UBXN2A: variants seen among roughly 807,000 people sequenced by gnomAD.
UBXN2A encodes the protein UBX domain-containing protein 2A.
UBXN2A carries 28 observed loss-of-function variants against 28.4 expected under a neutral mutation model. The ratio of observed to expected loss-of-function variants is 0.99; its 90% CI spans 0.73 to 1.35. The LOEUF is 1.35. UBXN2A is among the 40% of genes most tolerant of loss of function. The pLI, the probability that UBXN2A is intolerant of heterozygous loss-of-function variation, is 0.00. For missense variants in UBXN2A, 253 were observed against 297.9 expected (o/e 0.85, Z 1.11); for synonymous variants, 97 against 103.6 (o/e 0.94, Z 0.39).
At chr2:23,990,919 T>C (rs1228504436) in intron 6 of UBXN2A, among the ~76,000 whole-genome samples, 3 of 152,124 alleles carry the variant, frequency 2.0e-5, no homozygotes, top group Admixed American at 6.6e-5. Context: ...CCTTAAAAGC[T>C]ACTAAGCCAT....
At chr2:23,975,789 G>A (rs935547749) in intron 3 of UBXN2A, among the ~76,000 whole-genome samples, 1 of 152,072 alleles carries the variant, frequency 6.6e-6, no homozygotes, top group African/African-American at 2.4e-5. Context: ...CACCATGCCT[G>A]GCTAATTTGT....
intron 2 of UBXN2A, among the ~76,000 whole-genome samples, chr2:23,966,537 C>G (rs1423316203): frequency 6.7e-6 from 1 of 149,988 alleles, no homozygotes; most frequent in Non-Finnish European, 1.5e-5. Context: ...ACTGCAAGCT[C>G]TGCCTCCCAG....
intron 3 of UBXN2A, among the ~76,000 whole-genome samples, chr2:23,975,608 A>T (rs1401570353): frequency 6.6e-6 from 1 of 152,176 alleles, no homozygotes; most frequent in Non-Finnish European, 1.5e-5. Flanking sequence ...TAAAAAGCAG[A>T]CTTATTACTC....
At chr2:23,962,605 C>CTTTTTTTT (rs1160440950) in intron 2 of UBXN2A, among the ~76,000 whole-genome samples, 2 of 130,680 alleles carry the variant, frequency 1.5e-5, no homozygotes, top group Non-Finnish European at 3.3e-5. Context: ...TTTTTTTATT[C>CTTTTTTTT]TTTTTTTTTT....
At chr2:23,948,576 G>A (rs781443749) in intron 1 of UBXN2A, among the ~76,000 whole-genome samples, 1 of 152,106 alleles carries the variant, frequency 6.6e-6, no homozygotes, top group African/African-American at 2.4e-5. Context: ...AACAGATTAT[G>A]GTGGGGGATG....
chr2:23,993,095 AC>A (rs775999867), intron 6 of UBXN2A, among the ~76,000 whole-genome samples: 12 of 152,202 alleles, frequency 7.9e-5, no homozygotes, highest in Non-Finnish European at 1.6e-4. Flanking sequence ...GAATCACACA[AC>A]TGATTATCAT....
In UBXN2A at chr2:23,971,278, T is replaced by TC; in HGVS notation, c.44_45insC (p.Cys16LeufsTer2). On this transcript the variant is annotated frameshift_variant, in exon 3 of 7. Coordinates refer to ENST00000309033, the MANE Select transcript of UBXN2A (RefSeq NM_181713.4). LOFTEE classifies it high-confidence loss of function. ...CTGTTTTTCTTTATCTTGTTTAGGG[T>TC]TTGTGAAACAGGATCTGATAATCAA... 6.4e-7 allele frequency: 1 copy of TC among 1,553,674 alleles called. No individual in the cohort carries two copies. The highest frequency in any genetic ancestry group is 8.8e-7 in the Non-Finnish European group (1 of 1,139,928).
chr2:23,983,178 G>A, intron 5 of UBXN2A, 145 bp downstream of exon 5: 2 of 1,006,772 alleles, frequency 2.0e-6, no homozygotes, highest in South Asian at 3.6e-5. Flanking sequence ...TAATTTTTAT[G>A]AGGACACATA....
At chr2:23,931,992 CAG>C (rs1705382512) in intron 1 of UBXN2A, among the ~76,000 whole-genome samples, 1 of 150,664 alleles carries the variant, frequency 6.6e-6, no homozygotes, top group Admixed American at 6.6e-5. Flanking sequence ...GCCTGGGTGA[CAG>C]AGCGAGACTC....
chr2:23,932,363 G>T (rs1263228267), intron 1 of UBXN2A, among the ~76,000 whole-genome samples: 1 of 151,686 alleles, frequency 6.6e-6, no homozygotes, highest in African/African-American at 2.4e-5. Flanking sequence ...AAAGACAGTA[G>T]TAAGGCCTAA....
At chr2:23,976,946 T>C in intron 3 of UBXN2A, 23 bp from the exon 4 acceptor site, 1 of 1,567,810 alleles carries the variant, frequency 6.4e-7, no homozygotes, top group Non-Finnish European at 8.8e-7. Flanking sequence ...ACATGACGCA[T>C]TTTGTTTCCT....
In UBXN2A at chr2:23,971,354, T is replaced by A. The variant is rs145412707; in HGVS notation, c.120T>A (p.Leu40=). The A allele has an allele frequency of 1.4e-5, 22 of 1,578,258 alleles. No individual in the cohort carries two copies. Among genetic ancestry groups the A allele is most frequent in the Middle Eastern group, 3.4e-4 (2 of 5,908 alleles). The change falls in exon 3 of 7, where the codon CTT becomes CTA. Residue 40 remains leucine, a synonymous_variant. Transcript: ENST00000309033. The part of the protein sequence containing the change: ...QSNCEYFVDS[L]FEEAQKVSSK... ...ATTGTGAATATTTTGTTGATAGCCT[T>A]TTTGAGGAAGCTCAGAAGGTTAGTT...
At chr2:23,971,852 A>T (rs1314745801) in intron 3 of UBXN2A, among the ~76,000 whole-genome samples, 1 of 152,024 alleles carries the variant, frequency 6.6e-6, no homozygotes, top group East Asian at 1.9e-4. Context: ...TAATCCCAGC[A>T]CTTTAGGAGA....
chr2:23,942,901 G>A (rs183644315), intron 1 of UBXN2A, among the ~76,000 whole-genome samples: 3 of 151,144 alleles, frequency 2.0e-5, no homozygotes, highest in South Asian at 4.2e-4. Context: ...ATAGGAAGTC[G>A]TTTAAAGGTT....
rs540673138 is a variant in UBXN2A at position 23,946,389 on chromosome 2, C to T, written c.-15+5741C>T. Among the ~76,000 whole-genome samples, 14 of 151,594 alleles carry T rather than the reference C, an allele frequency of 9.2e-5. No homozygotes were observed. In the South Asian group the frequency reaches 2.9e-3, roughly 32 times the overall value. ...AGGCTGGAGTGCAGTGGCGTGATCT[C>T]GGCTCACTGCAATGTCCGCCTCCTG... On this transcript the variant is annotated intron_variant, in intron 1 of 6. Coordinates refer to ENST00000309033, the MANE Select transcript of UBXN2A (RefSeq NM_181713.4).
chr2:23,928,994 AAG>A (rs1337941045), intron 1 of UBXN2A, among the ~76,000 whole-genome samples: 2 of 152,160 alleles, frequency 1.3e-5, no homozygotes, highest in Non-Finnish European at 2.9e-5. Flanking sequence ...TTCCTGTGGA[AAG>A]AGGCTGGTTT....
chr2:23,932,242 C>G (rs112118998), intron 1 of UBXN2A, among the ~76,000 whole-genome samples: 5 of 151,810 alleles, frequency 3.3e-5, no homozygotes, highest in Non-Finnish European at 7.4e-5. Context: ...TGCTTGAACC[C>G]TGGAGGCAGA....
chr2:23,929,146 A>G (rs1175033228), intron 1 of UBXN2A, among the ~76,000 whole-genome samples: 1 of 152,106 alleles, frequency 6.6e-6, no homozygotes, highest in Non-Finnish European at 1.5e-5. Flanking sequence ...AGAGAGAGAC[A>G]GGGTCTCACT....
intron 4 of UBXN2A, among the ~76,000 whole-genome samples, chr2:23,981,325 TA>T (rs1410194295): frequency 8.9e-6 from 1 of 112,272 alleles, no homozygotes; most frequent in Admixed American, 8.7e-5. Flanking sequence ...AAAAAAAACC[TA>T]AAAAAATCAC....
Sources: gnomAD v4.1 joint callset for allele counts (sites outside exome capture counted in the v4.1 genomes callset) on GRCh38, gnomAD v4.1.1 for gene constraint, MANE v1.5 for transcripts, NCBI Gene and HGNC (gene_info 2026-07-23, HGNC 2026-07-21) for gene names.